TPX2: variants seen among roughly 807,000 people sequenced by gnomAD.
TPX2 encodes TPX2 microtubule nucleation factor, also known as targeting protein for Xklp2.
Under a neutral mutation model 93.6 loss-of-function variants are expected in TPX2, and 21 were observed. That is an observed-to-expected ratio of 0.22 (90% CI 0.16 to 0.32). The LOEUF is 0.32. TPX2 is among the 10% of genes least tolerant of loss of function. The probability of loss-of-function intolerance (pLI) is 1.00; values close to 1 mark genes in which losing one functional copy is unlikely to be tolerated. For missense variants in TPX2, 776 were observed against 871.1 expected (o/e 0.89, Z 1.37); for synonymous variants, 281 against 298.3 (o/e 0.94, Z 0.60).
chr20:31,760,308 A>G (rs1600364893), intron 4 of TPX2, 129 bp downstream of exon 4: 1 of 1,212,396 alleles, frequency 8.2e-7, no homozygotes, highest in East Asian at 2.6e-5. Flanking sequence ...GGGCTAATTC[A>G]TTTCATGATA....
rs141634457 is a variant in TPX2 at position 31,793,866 on chromosome 20, G to A, written c.1528G>A (p.Val510Met). The change falls in exon 14 of 18, where the codon GTG becomes ATG. Residue 510 changes from valine to methionine, a missense_variant. Val to Met is a conservative substitution (Grantham distance 21, BLOSUM62 1). This residue lies in a region of TPX2 where 461 missense variants were observed against 551.2 expected (regional missense o/e 0.84). Transcript: ENST00000300403. ...KEDEEEDEPV[V>M]IKAQPVPHYG... Reference sequence around the variant, plus strand: ...TCCCTAGGAAGAGGACGAACCGGTAGTGATAAAAGCTCAACCTGTGCCACA... The same window carrying A: ...TCCCTAGGAAGAGGACGAACCGGTAATGATAAAAGCTCAACCTGTGCCACA... 3.4e-5 allele frequency: 55 copies of A among 1,603,012 alleles called. No homozygotes were observed. Among genetic ancestry groups the A allele is most frequent in the African/African-American group, 5.4e-5 (4 of 74,128 alleles).
intron 12 of TPX2, 32 bp from the exon 13 acceptor site, chr20:31,792,703 T>G: frequency 4.5e-5 from 71 of 1,564,902 alleles, no homozygotes; most frequent in Non-Finnish European, 5.5e-5. Flanking sequence ...GATCATTTTG[T>G]GATATCTAAT....
At chr20:31,787,292 A>G (rs1418249035) in intron 12 of TPX2, among the ~76,000 whole-genome samples, 1 of 150,646 alleles carries the variant, frequency 6.6e-6, no homozygotes, top group Non-Finnish European at 1.5e-5. Flanking sequence ...GCTTACTGTT[A>G]TCATATTTAT....
intron 4 of TPX2, among the ~76,000 whole-genome samples, chr20:31,765,314 C>CAA (rs796500792): frequency 1.1e-3 from 57 of 53,652 alleles, no homozygotes; most frequent in South Asian, 2.1e-3. Flanking sequence ...TATTGAAAAG[C>CAA]AAAAAAAAAA....
rs1168776442 is a variant in TPX2 at position 31,801,075 on chromosome 20, T to C, written c.2239T>C (p.Cys747Arg). 6 of 1,613,574 alleles carry C rather than the reference T, an allele frequency of 3.7e-6. No individual in the cohort carries two copies. The African/African-American group carries it at 4.0e-5, about 11-fold the overall frequency. ...VSPKFSTRFH[C>R] ...TCCCAAATTCTCCACTCGATTCCAC[T>C]GCTAAACTCAGCTGTGAGCTGCGGA... Residue 747 changes from cysteine (C) to arginine (R), a missense_variant, in exon 18 of 18, where the codon TGC becomes CGC. By Grantham distance (180) the Cys-to-Arg change is radical. This residue lies in a region of TPX2 where 461 missense variants were observed against 551.2 expected (regional missense o/e 0.84). Transcript: ENST00000300403.
In TPX2 at chr20:31,777,556, G is replaced by A. The variant is rs141564051; in HGVS notation, c.800G>A (p.Arg267Gln). Reference protein sequence around the residue: ...SVDFHFRTDERIKQHPKNQEE... With the variant: ...SVDFHFRTDEQIKQHPKNQEE... The stretch of plus-strand genomic sequence containing the variant: ...GACTTCCACTTCCGCACAGATGAGC[G>A]AATCAAACAACATCCTAAGAACCAG... The change falls in exon 9 of 18, where the codon CGA (arginine) becomes CAA (glutamine). Residue 267 changes from arginine (R) to glutamine (Q), a missense_variant. Physicochemically the swap from Arg to Gln is conservative, Grantham distance 43 (BLOSUM62 1). Transcript: ENST00000300403. 4.9e-5 allele frequency: 79 copies of A among 1,613,972 alleles called. No homozygotes were observed. The highest frequency in any genetic ancestry group is 6.4e-5 in the Non-Finnish European group (76 of 1,180,012).
In TPX2 at chr20:31,766,698, C is replaced by G. The variant is rs1162985525; in HGVS notation, c.356+16C>G. On this transcript the variant is annotated intron_variant, in intron 5 of 17. Coordinates refer to ENST00000300403, the MANE Select transcript of TPX2 (RefSeq NM_012112.5). ...AGCCTCAGAGGTAAGACTTTGGAAT[C>G]TCAAAGTGGTGGTTATGATAATAAT... 3.1e-6 allele frequency: 5 copies of G among 1,606,738 alleles called. No individual in the cohort carries two copies. In the African/African-American group the frequency reaches 6.7e-5, roughly 22 times the overall value.
Position 31,782,881 on chromosome 20 carries a change from TACACACATAC to T in TPX2, c.1196+499_1196+508del, listed in dbSNP as rs1294130888. Among the ~76,000 whole-genome samples, 19 of 94,714 alleles carry T rather than the reference TACACACATAC, an allele frequency of 2.0e-4. 1 individual carries two copies. The highest frequency in any genetic ancestry group is 3.0e-4 in the Non-Finnish European group (14 of 46,920). 62.1% of individuals were successfully genotyped at this position (94,714 alleles called of 152,430 possible). A position where few individuals can be genotyped will look rare whatever the true frequency, so the allele number is the denominator to read the frequency against. ...TGACAAAGCGAGACTGTCTTGCACA[TACACACATAC>T]ACACACACACACACACACACACACA... On this transcript the variant is annotated intron_variant, in intron 11 of 17. Coordinates refer to ENST00000300403, the MANE Select transcript of TPX2 (RefSeq NM_012112.5).
intron 12 of TPX2, among the ~76,000 whole-genome samples, chr20:31,787,640 A>AT (rs2062075272): frequency 6.6e-6 from 1 of 152,128 alleles, no homozygotes; most frequent in Admixed American, 6.5e-5. Flanking sequence ...AGGGGAAGAG[A>AT]TTTTGAAAAG....
intron 2 of TPX2, among the ~76,000 whole-genome samples, chr20:31,754,355 A>G (rs2061838910): frequency 6.6e-6 from 1 of 152,184 alleles, no homozygotes; most frequent in Admixed American, 6.5e-5. Context: ...TGCTGGGATT[A>G]CAGGCATGAG....
intron 1 of TPX2, among the ~76,000 whole-genome samples, chr20:31,740,211 T>A (rs1431721608): frequency 6.6e-6 from 1 of 152,196 alleles, no homozygotes; most frequent in East Asian, 1.9e-4. Flanking sequence ...TTCAGTAACA[T>A]GGACTCCCCC....
At chr20:31,769,549 C>A (rs1202249534) in intron 5 of TPX2, among the ~76,000 whole-genome samples, 1 of 152,058 alleles carries the variant, frequency 6.6e-6, no homozygotes, top group Non-Finnish European at 1.5e-5. Flanking sequence ...TGGTCTCGAT[C>A]TCCTGACCTG....
At chr20:31,796,993 C>CT (rs750298855) in intron 15 of TPX2, among the ~76,000 whole-genome samples, 2,294 of 144,924 alleles carry the variant, frequency 0.016, 28 homozygotes, top group Admixed American at 0.027. Flanking sequence ...TGTTTGGAAT[C>CT]TTTTTTTTTT....
At chr20:31,770,517 C>T (rs761878852) in intron 6 of TPX2, 46 bp downstream of exon 6, 6 of 1,447,158 alleles carry the variant, frequency 4.1e-6, no homozygotes, top group Non-Finnish European at 5.5e-6. Flanking sequence ...CATATTGTAC[C>T]TTGTATACCA....
chr20:31,783,853 A>G lies in TPX2; in HGVS notation c.1345A>G (p.Lys449Glu). 6.2e-7 allele frequency: 1 copy of G among 1,607,996 alleles called. No homozygotes were observed. The highest frequency in any genetic ancestry group is 8.5e-7 in the Non-Finnish European group (1 of 1,178,732). ...KRIQERESKKKTEDEHFEFHS... is the reference protein window; with the variant it reads ...KRIQERESKKETEDEHFEFHS... ...AATCCAGGAGCGAGAATCAAAGAAG[A>G]AAACAGAGGATGAACACTTTGAATT... The change falls in exon 12 of 18, where the codon AAA (lysine) becomes GAA (glutamate). Residue 449 changes from lysine to glutamate, a missense_variant. Around this residue, in one of 3 missense-constraint regions of TPX2, gnomAD observed 461 missense variants for 551.2 expected, o/e 0.84. Transcript: ENST00000300403.
intron 4 of TPX2, among the ~76,000 whole-genome samples, chr20:31,761,480 G>A (rs963563701): frequency 3.3e-5 from 5 of 152,126 alleles, no homozygotes; most frequent in Non-Finnish European, 5.9e-5. Flanking sequence ...GATTACAGGC[G>A]TGAGCCACTG....
At position 31,771,595 on chromosome 20, in the gene TPX2, G is replaced by C. The variant is rs1393342712; in HGVS notation, c.521G>C (p.Ser174Thr). Residue 174 changes from serine to threonine, a missense_variant, in exon 7 of 18, where the codon AGT becomes ACT. Ser to Thr is a moderately conservative substitution (Grantham distance 58, BLOSUM62 1). This residue lies in a region of TPX2 where 279 missense variants were observed against 261.6 expected (regional missense o/e 1.07). Coordinates refer to ENST00000300403, the MANE Select transcript of TPX2 (RefSeq NM_012112.5). ...NNKKKPEEEG[S>T]AHQDTAEKNA... Reference sequence around the variant, plus strand: ...AAAAAGAAGCCAGAGGAAGAAGGCAGTGCTCATCAAGATACTGCTGAAAAG... The same window carrying C: ...AAAAAGAAGCCAGAGGAAGAAGGCACTGCTCATCAAGATACTGCTGAAAAG... The C allele has an allele frequency of 6.2e-7, 1 of 1,613,830 alleles. No homozygotes were observed. The highest frequency in any genetic ancestry group is 8.5e-7 in the Non-Finnish European group (1 of 1,179,894).
intron 12 of TPX2, among the ~76,000 whole-genome samples, chr20:31,784,385 AT>A (rs1334541585): frequency 6.6e-6 from 1 of 152,152 alleles, no homozygotes; most frequent in Admixed American, 6.5e-5. Context: ...TAGGTGGGTT[AT>A]TTTATCACCT....
chr20:31,743,657 C>T (rs1345248673), intron 2 of TPX2, among the ~76,000 whole-genome samples: 2 of 151,796 alleles, frequency 1.3e-5, no homozygotes, highest in Non-Finnish European at 2.9e-5. Flanking sequence ...GGCACCACTG[C>T]ACTCCAACCT....
Sources: allele counts gnomAD v4.1 joint callset (sites outside exome capture counted in the v4.1 genomes callset), GRCh38; gene constraint gnomAD v4.1.1; regional missense constraint gnomAD v4.1.1; transcripts MANE v1.5; gene names NCBI Gene and HGNC (gene_info 2026-07-23, HGNC 2026-07-21).